KHDRBS2: variants seen among roughly 807,000 people sequenced by gnomAD.
KHDRBS2 encodes KH RNA binding domain containing, signal transduction associated 2.
In KHDRBS2, 26 loss-of-function variants were observed where a neutral mutation model predicts 44.3. The observed-to-expected ratio is 0.59, with a 90% confidence interval of 0.43 to 0.81. The LOEUF (loss-of-function observed/expected upper bound fraction) is 0.81, where lower values mean the gene tolerates loss of function less well. Ranked by LOEUF, KHDRBS2 falls within the 40% of genes least tolerant of loss-of-function variation. The pLI, the probability that KHDRBS2 is intolerant of heterozygous loss-of-function variation, is 0.00. For synonymous variants in KHDRBS2, 194 were observed against 151.1 expected, an observed-to-expected ratio of 1.28 and a Z score of -2.08; for missense variants, 476 against 433.1, an observed-to-expected ratio of 1.10 and a Z score of -0.88.
chr6:62,188,413 T>C (rs1490488911), intron 1 of KHDRBS2, among the ~76,000 whole-genome samples: 1 of 152,150 alleles, frequency 6.6e-6, no homozygotes, highest in Non-Finnish European at 1.5e-5. Flanking sequence ...CGATTGTCCT[T>C]CTGTGACACG....
the KHDRBS2 span, among the ~76,000 whole-genome samples, chr6:61,671,814 T>G: frequency 1.3e-5 from 2 of 151,812 alleles, no homozygotes; most frequent in African/African-American, 4.8e-5. Flanking sequence ...TATTTCTAGT[T>G]TGAAATTGAC....
chr6:61,675,415 G>T (rs1391629573), downstream of KHDRBS2, among the ~76,000 whole-genome samples: 1 of 151,062 alleles, frequency 6.6e-6, no homozygotes, highest in South Asian at 2.1e-4. Context: ...TATACTAAAA[G>T]TGAAAATTAT....
At chr6:61,675,532 T>C (rs534671402), downstream of KHDRBS2, among the ~76,000 whole-genome samples, 4 of 151,916 alleles carry the variant, frequency 2.6e-5, no homozygotes, top group Admixed American at 2.6e-4. Context: ...GTTCCATTAA[T>C]ACTGTATACT....
At chr6:61,955,091 CATATATGTATATATACACATATGTGT>C (rs1766291957) in intron 4 of KHDRBS2, among the ~76,000 whole-genome samples, 1 of 128,950 alleles carries the variant, frequency 7.8e-6, no homozygotes, top group South Asian at 2.4e-4. Flanking sequence ...TGTATGCATA[CATATATGTATATATACACATATGTGT>C]ATATATGTAT....
intron 3 of KHDRBS2, among the ~76,000 whole-genome samples, chr6:61,985,365 C>T (rs1019795950): frequency 6.6e-6 from 1 of 152,012 alleles, no homozygotes; most frequent in African/African-American, 2.4e-5. Flanking sequence ...AAATATCAAC[C>T]TTTTCTGTAG....
chr6:62,161,808 T>C (rs1010300192), intron 2 of KHDRBS2, among the ~76,000 whole-genome samples: 3 of 152,044 alleles, frequency 2.0e-5, no homozygotes, highest in African/African-American at 4.8e-5. Context: ...CTATTTTCTT[T>C]GTGACTGCCA....
intron 4 of KHDRBS2, among the ~76,000 whole-genome samples, chr6:61,924,865 T>G (rs2127361815): frequency 6.6e-6 from 1 of 152,264 alleles, no homozygotes; most frequent in African/African-American, 2.4e-5. Flanking sequence ...AAATACATGA[T>G]AAGCTAACAC....
At chr6:62,280,371 G>C (rs767056978) in intron 1 of KHDRBS2, among the ~76,000 whole-genome samples, 1 of 151,994 alleles carries the variant, frequency 6.6e-6, no homozygotes, top group East Asian at 1.9e-4. Flanking sequence ...GGCAAGAAAC[G>C]GTCAAAAAAG....
intron 3 of KHDRBS2, among the ~76,000 whole-genome samples, chr6:62,041,370 G>T (rs1243267843): frequency 6.6e-6 from 1 of 152,018 alleles, no homozygotes; most frequent in Non-Finnish European, 1.5e-5. Flanking sequence ...CAGCAGTAAA[G>T]CTTATGACCT....
At chr6:61,622,055 G>T in the KHDRBS2 span, among the ~76,000 whole-genome samples, 89,864 of 152,002 alleles carry the variant, frequency 0.59, 26,787 homozygotes, top group African/African-American at 0.61. Flanking sequence ...GTAGCCTTGT[G>T]AGAACCTGGG....
intron 1 of KHDRBS2, among the ~76,000 whole-genome samples, chr6:62,211,504 G>T (rs1238873988): frequency 6.6e-6 from 1 of 152,012 alleles, no homozygotes; most frequent in East Asian, 1.9e-4. Flanking sequence ...TGTCAGTTGG[G>T]TCACATTAAC....
At chr6:61,731,255 C>A (rs961581619) in intron 7 of KHDRBS2, among the ~76,000 whole-genome samples, 1 of 151,698 alleles carries the variant, frequency 6.6e-6, no homozygotes, top group African/African-American at 2.4e-5. Flanking sequence ...GCAAAACTTA[C>A]CCTAAGCCTA....
At chr6:62,033,402 T>C (rs1160892404) in intron 3 of KHDRBS2, among the ~76,000 whole-genome samples, 3 of 151,890 alleles carry the variant, frequency 2.0e-5, no homozygotes, top group Non-Finnish European at 4.4e-5. Flanking sequence ...GAAGACTACC[T>C]GAAGGCATTT....
chr6:62,073,317 C>T (rs35565883), intron 2 of KHDRBS2, among the ~76,000 whole-genome samples: 25,963 of 151,152 alleles, frequency 0.17, 2,557 homozygotes, highest in African/African-American at 0.27. Flanking sequence ...AACTTTTCAT[C>T]TCATCTACAT....
chr6:62,254,685 C>T (rs1436969420), intron 1 of KHDRBS2, among the ~76,000 whole-genome samples: 2 of 151,936 alleles, frequency 1.3e-5, no homozygotes, highest in Admixed American at 6.6e-5. Flanking sequence ...GTGGAATGAA[C>T]GTGGTATGAA....
At chr6:61,748,201 G>A (rs1777136890) in intron 6 of KHDRBS2, among the ~76,000 whole-genome samples, 1 of 152,146 alleles carries the variant, frequency 6.6e-6, no homozygotes. Flanking sequence ...ATGTTGGAAA[G>A]GCTGGCCTCA....
chr6:62,131,072 T>C (rs1447608407), intron 2 of KHDRBS2, among the ~76,000 whole-genome samples: 1 of 152,138 alleles, frequency 6.6e-6, no homozygotes. Context: ...ATTTTTAAAA[T>C]ACAGATTTTT....
At chr6:62,246,238 C>A (rs2150171191) in intron 1 of KHDRBS2, among the ~76,000 whole-genome samples, 1 of 151,032 alleles carries the variant, frequency 6.6e-6, no homozygotes, top group African/African-American at 2.4e-5. Context: ...ATGTTCTTAT[C>A]ATAGTGAAGT....
chr6:61,639,462 C>A, the KHDRBS2 span, among the ~76,000 whole-genome samples: 2 of 151,930 alleles, frequency 1.3e-5, no homozygotes, highest in African/African-American at 4.8e-5. Context: ...TCTCTTTTTA[C>A]CCTTCTCCCA....
Sources: allele counts gnomAD v4.1 joint callset (sites outside exome capture counted in the v4.1 genomes callset), GRCh38; gene constraint gnomAD v4.1.1; transcripts MANE v1.5; gene names NCBI Gene and HGNC (gene_info 2026-07-23, HGNC 2026-07-21).